The following NFATC1 variants were observed in gnomAD, a reference collection of about 807,000 sequenced individuals.
The protein encoded by NFATC1 is nuclear factor of activated T-cells, cytoplasmic 1.
A neutral mutation model predicts 76.0 loss-of-function variants in NFATC1; 22 were observed. The observed-to-expected ratio is 0.29, with a 90% confidence interval of 0.21 to 0.41. The LOEUF (loss-of-function observed/expected upper bound fraction) is 0.41. Ranked by LOEUF, NFATC1 falls within the 10% of genes least tolerant of loss-of-function variation. NFATC1 has a pLI of 1.00. For synonymous variants in NFATC1, 704 were observed against 613.1 expected (o/e 1.15, Z -2.19); for missense variants, 1,357 against 1,337.7 (o/e 1.01, Z -0.23).
intron 9 of NFATC1, among the ~76,000 whole-genome samples, chr18:79,518,673 G>A (rs759146504): frequency 7.9e-5 from 12 of 152,242 alleles, no homozygotes; most frequent in East Asian, 1.9e-4. Context: ...TCCTGCCCCC[G>A]CTACTCACCG....
At chr18:79,436,748 G>A (rs944378384) in intron 3 of NFATC1, among the ~76,000 whole-genome samples, 10 of 151,792 alleles carry the variant, frequency 6.6e-5, no homozygotes, top group South Asian at 2.1e-4. Context: ...TCCGGCATCC[G>A]GGTACCTGTG....
intron 8 of NFATC1, among the ~76,000 whole-genome samples, chr18:79,474,200 G>T (rs1186730331): frequency 3.5e-5 from 2 of 57,224 alleles, no homozygotes; most frequent in Admixed American, 1.7e-4. Flanking sequence ...TGAGGGAAGC[G>T]TGTTCTCATG....
At chr18:79,461,202 C>T (rs1600797311) in intron 6 of NFATC1, 109 bp from the exon 7 acceptor site, 1 of 1,312,672 alleles carries the variant, frequency 7.6e-7, no homozygotes, top group Non-Finnish European at 1.1e-6. Flanking sequence ...TCTCCTGGGA[C>T]AAGGCGCCCT....
chr18:79,501,027 AG>A (rs1390061892), intron 9 of NFATC1, among the ~76,000 whole-genome samples: 1 of 151,036 alleles, frequency 6.6e-6, no homozygotes, highest in East Asian at 1.9e-4. Flanking sequence ...AAGTATCGTA[AG>A]AAAAACTATA....
At chr18:79,507,795 C>T (rs989105993) in intron 9 of NFATC1, among the ~76,000 whole-genome samples, 2 of 152,276 alleles carry the variant, frequency 1.3e-5, no homozygotes, top group Non-Finnish European at 2.9e-5. Flanking sequence ...AGCGCATTCG[C>T]ATCCGCAGTG....
chr18:79,440,920 G>A (rs1415028830), intron 3 of NFATC1, among the ~76,000 whole-genome samples: 1 of 152,232 alleles, frequency 6.6e-6, no homozygotes, highest in Non-Finnish European at 1.5e-5. Context: ...AGACGTGGGA[G>A]TGGCGGCTGG....
chr18:79,512,291 GA>G (rs2090273389), intron 9 of NFATC1, among the ~76,000 whole-genome samples: 1 of 152,190 alleles, frequency 6.6e-6, no homozygotes, highest in Non-Finnish European at 1.5e-5. Context: ...TAAATAAACG[GA>G]AAAGCGTCTG....
intron 8 of NFATC1, among the ~76,000 whole-genome samples, chr18:79,479,910 C>T (rs1298419759): frequency 6.6e-6 from 1 of 152,240 alleles, no homozygotes; most frequent in African/African-American, 2.4e-5. Flanking sequence ...GACGCCGCTG[C>T]CAGGGCTGAG....
chr18:79,433,865 C>T, intron 3 of NFATC1, 127 bp downstream of exon 3: 1 of 1,208,034 alleles, frequency 8.3e-7, no homozygotes, highest in Non-Finnish European at 1.1e-6. Flanking sequence ...CGTGGTTAGT[C>T]CCGGGCGGCT....
At chr18:79,499,716 GAT>G (rs1328190316) in intron 9 of NFATC1, among the ~76,000 whole-genome samples, 2 of 152,142 alleles carry the variant, frequency 1.3e-5, no homozygotes, top group Admixed American at 6.5e-5. Flanking sequence ...AATCAAAAGA[GAT>G]ATGGAGATAA....
At chr18:79,487,815 G>A (rs971629659) in intron 9 of NFATC1, among the ~76,000 whole-genome samples, 2 of 152,232 alleles carry the variant, frequency 1.3e-5, no homozygotes, top group Non-Finnish European at 2.9e-5. Context: ...GTTTGTGTGC[G>A]CGTTGTGATC....
chr18:79,491,671 G>A (rs528980511), intron 9 of NFATC1, among the ~76,000 whole-genome samples: 1 of 152,328 alleles, frequency 6.6e-6, no homozygotes, highest in Admixed American at 6.5e-5. Flanking sequence ...TCTGCGTTCC[G>A]CTGGCCTGGC....
chr18:79,436,807 A>C (rs1044339408), intron 3 of NFATC1, among the ~76,000 whole-genome samples: 3 of 151,892 alleles, frequency 2.0e-5, no homozygotes, highest in African/African-American at 7.3e-5. Flanking sequence ...TCTCCCATTT[A>C]GGGCCTTTCC....
At chr18:79,425,133 C>T (rs117391022) in intron 2 of NFATC1, among the ~76,000 whole-genome samples, 2 of 151,424 alleles carry the variant, frequency 1.3e-5, no homozygotes, top group African/African-American at 4.8e-5. Flanking sequence ...CTCTCTCTGT[C>T]TCTGCCTCTC....
intron 9 of NFATC1, among the ~76,000 whole-genome samples, chr18:79,503,289 C>A (rs969929824): frequency 6.6e-6 from 1 of 152,164 alleles, no homozygotes; most frequent in African/African-American, 2.4e-5. Context: ...TGGGATACAG[C>A]CAGTATGGCA....
At chr18:79,509,289 G>T (rs372741) in intron 9 of NFATC1, among the ~76,000 whole-genome samples, 2 of 152,042 alleles carry the variant, frequency 1.3e-5, no homozygotes, top group Non-Finnish European at 2.9e-5. Context: ...GATGTCCACC[G>T]CGCCTGCCGG....
intron 2 of NFATC1, among the ~76,000 whole-genome samples, chr18:79,416,824 C>CCCCGCACAACCTGT (rs2085893070): frequency 6.6e-6 from 1 of 152,316 alleles, no homozygotes; most frequent in East Asian, 1.9e-4. Flanking sequence ...CTGGGGAGTC[C>CCCCGCACAACCTGT]CCCGCACAAC....
chr18:79,408,610 C>T (rs1347697875), intron 1 of NFATC1, among the ~76,000 whole-genome samples: 1 of 152,224 alleles, frequency 6.6e-6, no homozygotes, highest in Non-Finnish European at 1.5e-5. Context: ...TGTTTTCATC[C>T]AATCCTTGAG....
At chr18:79,523,686 T>C (rs1210979466) in intron 9 of NFATC1, among the ~76,000 whole-genome samples, 1 of 152,202 alleles carries the variant, frequency 6.6e-6, no homozygotes, top group Non-Finnish European at 1.5e-5. Context: ...AGTGTGGGTG[T>C]GTGGATGTGG....
Sources: allele counts gnomAD v4.1 joint callset (sites outside exome capture counted in the v4.1 genomes callset), GRCh38; gene constraint gnomAD v4.1.1; transcripts MANE v1.5; gene names NCBI Gene and HGNC (gene_info 2026-07-23, HGNC 2026-07-21).